The following ERC2 variants were observed in gnomAD, a reference collection of about 807,000 sequenced individuals.
ERC2 encodes the protein ELKS/RAB6-interacting/CAST family member 2, also known as ERC protein 2.
A neutral mutation model predicts 114.8 loss-of-function variants in ERC2; 42 were observed. The ratio of observed to expected loss-of-function variants is 0.37; its 90% CI spans 0.29 to 0.47. The LOEUF is 0.47. Ranked by LOEUF, ERC2 falls within the 20% of genes least tolerant of loss-of-function variation. The probability of loss-of-function intolerance (pLI) is 0.99; values close to 1 mark genes in which losing one functional copy is unlikely to be tolerated. For missense variants in ERC2, 939 were observed against 1,150.7 expected (o/e 0.82, Z 2.66); for synonymous variants, 454 against 425.5 (o/e 1.07, Z -0.82).
chr3:55,624,845 C>T (rs1312701382), intron 17 of ERC2, among the ~76,000 whole-genome samples: 1 of 152,132 alleles, frequency 6.6e-6, no homozygotes, highest in Admixed American at 6.5e-5. Context: ...TCTACCTGGT[C>T]CTGAAGCCAC....
intron 12 of ERC2, among the ~76,000 whole-genome samples, chr3:55,967,467 C>T (rs944400320): frequency 6.6e-5 from 10 of 152,148 alleles, no homozygotes; most frequent in African/African-American, 2.4e-4. Context: ...CTATTAGGCC[C>T]TTTTTCTGGT....
At chr3:56,152,948 C>G (rs985328500) in intron 4 of ERC2, among the ~76,000 whole-genome samples, 4 of 152,220 alleles carry the variant, frequency 2.6e-5, no homozygotes, top group South Asian at 4.2e-4. Context: ...ACCCACTAGG[C>G]CCACCGCACT....
At chr3:56,027,695 T>C (rs2074129326) in intron 7 of ERC2, among the ~76,000 whole-genome samples, 2 of 152,202 alleles carry the variant, frequency 1.3e-5, no homozygotes, top group African/African-American at 2.4e-5. Flanking sequence ...GTGACTCCTT[T>C]ATATTTTCTA....
chr3:56,448,557 T>C (rs1159224481), intron 1 of ERC2, among the ~76,000 whole-genome samples: 2 of 152,062 alleles, frequency 1.3e-5, no homozygotes, highest in Non-Finnish European at 2.9e-5. Flanking sequence ...CCCACGGGCC[T>C]CATACACATG....
At chr3:55,701,033 C>T (rs903255784) in intron 15 of ERC2, among the ~76,000 whole-genome samples, 4 of 152,078 alleles carry the variant, frequency 2.6e-5, no homozygotes, top group African/African-American at 4.8e-5. Flanking sequence ...CCACTGGTGG[C>T]TCAAGATGAC....
chr3:55,788,504 T>C (rs781364464), intron 14 of ERC2, among the ~76,000 whole-genome samples: 13 of 152,186 alleles, frequency 8.5e-5, no homozygotes, highest in Admixed American at 5.2e-4. Context: ...AATCTTCCCT[T>C]GAGAATTCAG....
intron 6 of ERC2, among the ~76,000 whole-genome samples, chr3:56,131,242 T>C (rs1195252060): frequency 6.6e-6 from 1 of 152,154 alleles, no homozygotes; most frequent in Non-Finnish European, 1.5e-5. Context: ...AAATTTCAAA[T>C]GAAGCCTTTC....
At chr3:55,630,551 G>T (rs1180321422) in intron 17 of ERC2, among the ~76,000 whole-genome samples, 1 of 152,152 alleles carries the variant, frequency 6.6e-6, no homozygotes, top group Non-Finnish European at 1.5e-5. Context: ...GATTACACTG[G>T]TACTTTTTGC....
chr3:55,560,174 A>G (rs1429165714), intron 17 of ERC2, among the ~76,000 whole-genome samples: 2 of 152,156 alleles, frequency 1.3e-5, no homozygotes, highest in African/African-American at 4.8e-5. Flanking sequence ...CTCTGCCACT[A>G]TGTCTCAAGA....
chr3:55,650,329 A>T (rs1233843846), intron 17 of ERC2, among the ~76,000 whole-genome samples: 2 of 152,104 alleles, frequency 1.3e-5, no homozygotes, highest in Non-Finnish European at 2.9e-5. Context: ...TGCACACTGG[A>T]TACCACCCAC....
intron 7 of ERC2, among the ~76,000 whole-genome samples, chr3:56,030,580 A>G (rs919027802): frequency 6.6e-6 from 1 of 152,200 alleles, no homozygotes; most frequent in Non-Finnish European, 1.5e-5. Context: ...GATGGTCCAT[A>G]GTAATTTTTT....
At chr3:56,377,649 G>T (rs1397618920) in intron 2 of ERC2, among the ~76,000 whole-genome samples, 2 of 152,126 alleles carry the variant, frequency 1.3e-5, no homozygotes, top group Non-Finnish European at 2.9e-5. Context: ...TAACAAATGG[G>T]AGATCATATC....
chr3:56,363,740 G>C (rs376898588), intron 2 of ERC2, among the ~76,000 whole-genome samples: 1 of 147,688 alleles, frequency 6.8e-6, no homozygotes, highest in Admixed American at 6.7e-5. Context: ...ACCTGTGCTA[G>C]AGTGCTCTTT....
At chr3:55,597,190 G>A (rs1457422552) in intron 17 of ERC2, among the ~76,000 whole-genome samples, 3 of 152,170 alleles carry the variant, frequency 2.0e-5, no homozygotes, top group African/African-American at 4.8e-5. Flanking sequence ...GGAGGCCGAG[G>A]TGGGCGGATC....
At chr3:55,752,426 C>G (rs2066766268) in intron 14 of ERC2, among the ~76,000 whole-genome samples, 1 of 152,178 alleles carries the variant, frequency 6.6e-6, no homozygotes, top group Admixed American at 6.5e-5. Context: ...CAATCACTAC[C>G]AATCAGGGAT....
chr3:55,786,558 T>G (rs769591336), intron 14 of ERC2, among the ~76,000 whole-genome samples: 1 of 152,352 alleles, frequency 6.6e-6, no homozygotes, highest in African/African-American at 2.4e-5. Flanking sequence ...CCAAGTACTT[T>G]ACATAAATGG....
At chr3:55,658,143 A>T (rs1011695216) in intron 17 of ERC2, 1 of 152,202 alleles carries the variant, frequency 6.6e-6, no homozygotes, top group African/African-American at 2.4e-5. Flanking sequence ...GCACAGGTGA[A>T]TTCGGGATCT....
intron 14 of ERC2, among the ~76,000 whole-genome samples, chr3:55,818,613 CCTAA>C (rs1575702240): frequency 6.6e-6 from 1 of 152,276 alleles, no homozygotes; most frequent in East Asian, 1.9e-4. Context: ...TAGCAAGTGA[CCTAA>C]CTATCTTGAC....
chr3:55,589,331 C>T (rs966069385), intron 17 of ERC2, among the ~76,000 whole-genome samples: 8 of 151,922 alleles, frequency 5.3e-5, no homozygotes, highest in Middle Eastern at 3.4e-3. Flanking sequence ...GTGGTTGGTG[C>T]GCAAACGAGC....
Sources: allele counts gnomAD v4.1 joint callset (sites outside exome capture counted in the v4.1 genomes callset), GRCh38; gene constraint gnomAD v4.1.1; transcripts MANE v1.5; gene names NCBI Gene and HGNC (gene_info 2026-07-23, HGNC 2026-07-21).